The following TMEFF2 variants were observed in gnomAD, a reference collection of about 807,000 sequenced individuals.
TMEFF2 encodes the protein tomoregulin-2.
A neutral mutation model predicts 53.8 loss-of-function variants in TMEFF2; 28 were observed. The ratio of observed to expected loss-of-function variants is 0.52; its 90% CI spans 0.39 to 0.71. The LOEUF is 0.71. Ranked by LOEUF, TMEFF2 falls within the 30% of genes least tolerant of loss-of-function variation. The pLI is 0.00. For missense variants in TMEFF2, 353 were observed against 455.2 expected (o/e 0.78, Z 2.04); for synonymous variants, 162 against 166.3 (o/e 0.97, Z 0.20).
At chr2:191,985,793 A>G (rs983175860) in intron 7 of TMEFF2, among the ~76,000 whole-genome samples, 1 of 152,186 alleles carries the variant, frequency 6.6e-6, no homozygotes, top group Non-Finnish European at 1.5e-5. Flanking sequence ...TTTTTAAACA[A>G]ATATCCTCAC....
chr2:191,964,659 C>T (rs1316991376), intron 7 of TMEFF2, among the ~76,000 whole-genome samples: 3 of 151,938 alleles, frequency 2.0e-5, no homozygotes, highest in African/African-American at 7.2e-5. Context: ...TGGTAGACCT[C>T]GTTTCCTTTA....
At chr2:192,176,141 ATATATAAG>A (rs1691036583) in intron 4 of TMEFF2, among the ~76,000 whole-genome samples, 1 of 151,326 alleles carries the variant, frequency 6.6e-6, no homozygotes, top group African/African-American at 2.4e-5. Flanking sequence ...TTAAACTTCC[ATATATAAG>A]TACCTGAAAC....
intron 5 of TMEFF2, among the ~76,000 whole-genome samples, chr2:192,045,372 AAC>A (rs1687590677): frequency 6.6e-6 from 1 of 152,232 alleles, no homozygotes; most frequent in Admixed American, 6.5e-5. Flanking sequence ...ACTTGAAAGG[AAC>A]ATGACTGGAA....
Position 192,163,549 on chromosome 2 carries a change from T to C in TMEFF2, c.439+16119A>G, listed in dbSNP as rs1037824912. Among the ~76,000 whole-genome samples the C allele has an allele frequency of 3.3e-5, 5 of 152,340 alleles. No homozygotes were observed. The South Asian group carries it at 6.2e-4, about 19-fold the overall frequency. ...TGCCATACCAGTGATGGTACTTAAA[T>C]TGTATAAATTTTAAAAGGTAAGTGA... On this transcript the variant is annotated intron_variant, in intron 4 of 9. Transcript: ENST00000272771.
intron 4 of TMEFF2, among the ~76,000 whole-genome samples, chr2:192,140,767 T>C (rs1690118332): frequency 6.6e-6 from 1 of 152,138 alleles, no homozygotes; most frequent in Non-Finnish European, 1.5e-5. Context: ...CAAGAAAATT[T>C]TCTAATAATT....
At chr2:192,046,261 G>A (rs1259327537) in intron 5 of TMEFF2, among the ~76,000 whole-genome samples, 2 of 152,146 alleles carry the variant, frequency 1.3e-5, no homozygotes, top group African/African-American at 4.8e-5. Context: ...CTACTTGGGA[G>A]GCTGAGACAG....
At chr2:192,068,830 T>A (rs1405177044) in intron 4 of TMEFF2, among the ~76,000 whole-genome samples, 1 of 151,738 alleles carries the variant, frequency 6.6e-6, no homozygotes. Flanking sequence ...AATAGACCAA[T>A]GAAATAAAAG....
At chr2:192,131,080 C>A (rs1354263344) in intron 4 of TMEFF2, among the ~76,000 whole-genome samples, 3 of 148,934 alleles carry the variant, frequency 2.0e-5, no homozygotes, top group Non-Finnish European at 4.5e-5. Context: ...CCCCTTCTCT[C>A]CTTGTCTCTA....
At chr2:191,955,536 TTTTTTTTTTTTTA>T (rs1406007527) in intron 8 of TMEFF2, among the ~76,000 whole-genome samples, 1 of 135,814 alleles carries the variant, frequency 7.4e-6, no homozygotes, top group Non-Finnish European at 1.6e-5. Flanking sequence ...TTTTTTTTTT[TTTTTTTTTTTTTA>T]GAGATAGGAT....
intron 5 of TMEFF2, among the ~76,000 whole-genome samples, chr2:192,016,109 G>A (rs921639274): frequency 5.3e-5 from 8 of 152,086 alleles, no homozygotes; most frequent in African/African-American, 1.7e-4. Flanking sequence ...AACAATGATG[G>A]TACCAATATT....
At chr2:192,147,154 A>G (rs11692977) in intron 4 of TMEFF2, among the ~76,000 whole-genome samples, 58,924 of 151,806 alleles carry the variant, frequency 0.39, 12,850 homozygotes, top group Middle Eastern at 0.53. Flanking sequence ...ATAAGAAGAA[A>G]CAGGAACTCT....
chr2:192,157,700 AC>A (rs1436086722), intron 4 of TMEFF2, among the ~76,000 whole-genome samples: 4 of 152,024 alleles, frequency 2.6e-5, no homozygotes, highest in Non-Finnish European at 4.4e-5. Flanking sequence ...ATAAAAGTAT[AC>A]CTGAAAAGCC....
chr2:191,955,174 GGAGAGA>G (rs1199101306), intron 8 of TMEFF2, among the ~76,000 whole-genome samples: 48 of 2,048 alleles, frequency 0.023, no homozygotes, highest in Admixed American at 0.08. Flanking sequence ...GGAGAGAGAG[GGAGAGA>G]GAGAGAGAGA....
chr2:192,126,124 T>A (rs543204752), intron 4 of TMEFF2, among the ~76,000 whole-genome samples: 3 of 152,298 alleles, frequency 2.0e-5, no homozygotes, highest in Admixed American at 2.0e-4. Context: ...ATTCAGATAT[T>A]TGAAAAAGAT....
chr2:192,101,856 C>T (rs554548850), intron 4 of TMEFF2, among the ~76,000 whole-genome samples: 38 of 152,232 alleles, frequency 2.5e-4, no homozygotes, highest in African/African-American at 8.4e-4. Context: ...CAGTCAGGTC[C>T]ACAAAAACAA....
chr2:192,172,568 CT>C (rs991388458), intron 4 of TMEFF2, among the ~76,000 whole-genome samples: 2 of 151,868 alleles, frequency 1.3e-5, no homozygotes, highest in Non-Finnish European at 2.9e-5. Context: ...TTTAAAGTAT[CT>C]CAAATACCTT....
At chr2:192,074,196 A>G (rs1688355865) in intron 4 of TMEFF2, among the ~76,000 whole-genome samples, 1 of 152,036 alleles carries the variant, frequency 6.6e-6, no homozygotes, top group African/African-American at 2.4e-5. Context: ...TCCAAACCTG[A>G]GTATCAACCT....
intron 5 of TMEFF2, among the ~76,000 whole-genome samples, chr2:192,049,988 G>C (rs1411781143): frequency 2.6e-5 from 4 of 152,138 alleles, no homozygotes; most frequent in Non-Finnish European, 5.9e-5. Context: ...GCCACAGGGT[G>C]AGACTCCATC....
intron 7 of TMEFF2, among the ~76,000 whole-genome samples, chr2:191,995,665 A>G (rs1444601589): frequency 6.6e-6 from 1 of 152,078 alleles, no homozygotes; most frequent in African/African-American, 2.4e-5. Flanking sequence ...AATGTTGAGG[A>G]ACATGACTAT....
Sources: gnomAD v4.1 joint callset for allele counts (sites outside exome capture counted in the v4.1 genomes callset) on GRCh38, gnomAD v4.1.1 for gene constraint, MANE v1.5 for transcripts, NCBI Gene and HGNC (gene_info 2026-07-23, HGNC 2026-07-21) for gene names.